Variants in PLD5 observed in about 807,000 individuals in gnomAD.
PLD5 encodes the protein phospholipase D family member 5.
Under a neutral mutation model 61.1 loss-of-function variants are expected in PLD5, and 36 were observed. That is an observed-to-expected ratio of 0.59 (90% CI 0.45 to 0.78). The LOEUF is 0.78. Ranked by LOEUF, PLD5 falls within the 30% of genes least tolerant of loss-of-function variation. The pLI is 0.00. For synonymous variants in PLD5, 243 were observed against 242.8 expected (o/e 1.00, Z -0.01); for missense variants, 515 against 644.4 (o/e 0.80, Z 2.17).
rs558336886 is a variant in PLD5, at chr1:242,355,465, C to T, written c.190-7223G>A. On this transcript the variant is annotated intron_variant, in intron 1 of 9. Coordinates refer to ENST00000536534, the MANE Select transcript of PLD5 (RefSeq NM_001372062.1). ...GTAGTTATCAGTTGTAATGTCTCCA[C>T]TTTTATTTTTGATTTTATTTGAGTC... is the stretch of plus-strand genomic sequence containing the variant. 2.0e-5 allele frequency among the ~76,000 whole-genome samples: 3 copies of T among 151,944 alleles called. No individual in the cohort carries two copies. The East Asian group carries it at 5.8e-4, about 29-fold the overall frequency.
At chr1:242,221,991 G>A (rs1315531560) in intron 4 of PLD5, among the ~76,000 whole-genome samples, 1 of 152,016 alleles carries the variant, frequency 6.6e-6, no homozygotes, top group Non-Finnish European at 1.5e-5. Flanking sequence ...GTGTCAGCAG[G>A]GCCAAACTTC....
At chr1:242,466,698 GC>G (rs1364718544) in intron 1 of PLD5, among the ~76,000 whole-genome samples, 6 of 152,116 alleles carry the variant, frequency 3.9e-5, no homozygotes, top group South Asian at 2.1e-4. Flanking sequence ...TTCGAGACCA[GC>G]CTGGCCAACA....
chr1:242,477,201 G>A (rs1000612382), intron 1 of PLD5, among the ~76,000 whole-genome samples: 14 of 152,000 alleles, frequency 9.2e-5, no homozygotes, highest in African/African-American at 2.4e-4. Context: ...GGTGAGCTGA[G>A]ATCACGTCAT....
chr1:242,156,107 C>A (rs928814768), intron 5 of PLD5, among the ~76,000 whole-genome samples: 1 of 152,074 alleles, frequency 6.6e-6, no homozygotes, highest in Non-Finnish European at 1.5e-5. Context: ...TTATGTAATG[C>A]CCCTCTTTGT....
rs1660756932 is a variant in PLD5, at chr1:242,356,430, T to C, written c.190-8188A>G. 2.0e-5 allele frequency among the ~76,000 whole-genome samples: 3 copies of C among 151,982 alleles called. 1 individual carries two copies. In the South Asian group the frequency reaches 6.2e-4, roughly 32 times the overall value. On this transcript the variant is annotated intron_variant, in intron 1 of 9. Transcript: ENST00000536534. Reference sequence around the variant, plus strand: ...CTTTTGTGTGGAATATCTTTTTCCATCCTTTAATGTTCAATCTCTGTGTTC... The same window carrying C: ...CTTTTGTGTGGAATATCTTTTTCCACCCTTTAATGTTCAATCTCTGTGTTC...
At chr1:242,395,202 T>A (rs77755930) in intron 1 of PLD5, among the ~76,000 whole-genome samples, 1 of 151,696 alleles carries the variant, frequency 6.6e-6, no homozygotes, top group Admixed American at 6.6e-5. Flanking sequence ...TTTATAGAAA[T>A]CAAAATTCAT....
intron 1 of PLD5, among the ~76,000 whole-genome samples, chr1:242,384,708 C>G (rs1572027269): frequency 6.6e-6 from 1 of 152,164 alleles, no homozygotes; most frequent in East Asian, 1.9e-4. Flanking sequence ...ATAGCCAGTT[C>G]TCTTGGTGTG....
intron 1 of PLD5, among the ~76,000 whole-genome samples, chr1:242,351,026 G>A (rs1385827527): frequency 6.6e-6 from 1 of 151,696 alleles, no homozygotes; most frequent in Non-Finnish European, 1.5e-5. Context: ...TCAGCCTCCT[G>A]AGTAGCTGAG....
intron 9 of PLD5, among the ~76,000 whole-genome samples, chr1:242,090,786 T>C (rs989569564): frequency 6.6e-6 from 1 of 152,230 alleles, no homozygotes; most frequent in African/African-American, 2.4e-5. Flanking sequence ...CTCACGGTTC[T>C]GGAGACAAAA....
At chr1:242,211,029 T>C (rs1669784335) in intron 5 of PLD5, among the ~76,000 whole-genome samples, 1 of 152,162 alleles carries the variant, frequency 6.6e-6, no homozygotes, top group East Asian at 1.9e-4. Context: ...TTCTGTAACA[T>C]AGAAGTGCCA....
At position 242,090,095 on chromosome 1, in the gene PLD5, A is replaced by C; in HGVS notation, c.1370T>G (p.Val457Gly). 1 of 1,613,812 alleles carries C rather than the reference A, an allele frequency of 6.2e-7. No homozygotes were observed. The highest frequency in any genetic ancestry group is 8.5e-7 in the Non-Finnish European group (1 of 1,179,782). Residue 457 changes from valine (V) to glycine (G), a missense_variant, in exon 10 of 10, where the codon GTA becomes GGA. Around this residue, in one of 2 missense-constraint regions of PLD5, gnomAD observed 450 missense variants for 598.1 expected, o/e 0.75. Coordinates refer to ENST00000536534, the MANE Select transcript of PLD5 (RefSeq NM_001372062.1). ...GAAYIGNFDW[V>G]GNDFTQNAGT... Reference sequence around the variant, plus strand: ...AGCATTCTGAGTGAAATCATTCCCTACCCAATCAAAATTTCCTGCAAACAA... The same window carrying C: ...AGCATTCTGAGTGAAATCATTCCCTCCCCAATCAAAATTTCCTGCAAACAA...
At chr1:242,325,245 C>T (rs1001886518) in intron 2 of PLD5, among the ~76,000 whole-genome samples, 19 of 151,814 alleles carry the variant, frequency 1.3e-4, no homozygotes, top group African/African-American at 4.4e-4. Flanking sequence ...TCCAATCTTA[C>T]TACATTCTAA....
chr1:242,295,462 G>A (rs1476100493), intron 2 of PLD5, among the ~76,000 whole-genome samples: 2 of 152,216 alleles, frequency 1.3e-5, no homozygotes, highest in Non-Finnish European at 2.9e-5. Flanking sequence ...TTGGTGCAAA[G>A]GACATGATTT....
intron 1 of PLD5, among the ~76,000 whole-genome samples, chr1:242,509,648 GATTGTTGTCTTCT>G (rs1418202919): frequency 1.3e-5 from 2 of 152,258 alleles, no homozygotes; most frequent in South Asian, 2.1e-4. Flanking sequence ...AAGCTCTGGG[GATTGTTGTCTTCT>G]TATTACCTCA....
At chr1:242,468,864 A>C (rs1667356657) in intron 1 of PLD5, among the ~76,000 whole-genome samples, 1 of 152,164 alleles carries the variant, frequency 6.6e-6, no homozygotes, top group Non-Finnish European at 1.5e-5. Context: ...ATTTTAACTC[A>C]ACCATGACTC....
At chr1:242,282,662 A>G (rs1674778418) in intron 3 of PLD5, among the ~76,000 whole-genome samples, 2 of 151,942 alleles carry the variant, frequency 1.3e-5, no homozygotes, top group South Asian at 4.1e-4. Flanking sequence ...GAATTCATAG[A>G]GTGTGAGATT....
At chr1:242,476,579 C>T (rs530260350) in intron 1 of PLD5, among the ~76,000 whole-genome samples, 6 of 152,242 alleles carry the variant, frequency 3.9e-5, no homozygotes, top group African/African-American at 1.4e-4. Context: ...TCATTACATC[C>T]TCTTAAAAGG....
At chr1:242,207,860 TTATATATTTA>T (rs1558344202) in intron 5 of PLD5, among the ~76,000 whole-genome samples, 24 of 13,944 alleles carry the variant, frequency 1.7e-3, no homozygotes, top group Non-Finnish European at 1.9e-3. Flanking sequence ...ATTTATATAT[TTATATATTTA>T]TATATATTTA....
chr1:242,219,180 CTGAGGTAGACCAAGAAAA>C (rs1670408283), intron 5 of PLD5, among the ~76,000 whole-genome samples: 1 of 152,160 alleles, frequency 6.6e-6, no homozygotes, highest in Admixed American at 6.6e-5. Flanking sequence ...TTATGTCACA[CTGAGGTAGACCAAGAAAA>C]ATTCCACATA....
Sources: allele counts gnomAD v4.1 joint callset (sites outside exome capture counted in the v4.1 genomes callset), GRCh38; gene constraint gnomAD v4.1.1; regional missense constraint gnomAD v4.1.1; transcripts MANE v1.5; gene names NCBI Gene and HGNC (gene_info 2026-07-23, HGNC 2026-07-21).